LRRC10B: variants seen among roughly 807,000 people sequenced by gnomAD.
The protein encoded by LRRC10B is leucine rich repeat containing 10B, also known as leucine-rich repeat-containing protein 10B.
For synonymous variants in LRRC10B, 204 were observed against 221.5 expected, an observed-to-expected ratio of 0.92 and a Z score of 0.70; for missense variants, 389 against 436.5, an observed-to-expected ratio of 0.89 and a Z score of 0.97.
At position 61,510,111 on chromosome 11, in the gene LRRC10B, G is replaced by T; in HGVS notation, c.*234G>T. On this transcript the variant is annotated 3_prime_UTR_variant, in exon 1 of 1. Coordinates refer to ENST00000378075, the MANE Select transcript of LRRC10B (RefSeq NM_001145077.2). Reference sequence around the variant, plus strand: ...GGCAATTGTCAGACCAAGAAGTCTGGGCTGGGTCCAGTCCCCGATGGAGCC... The same window carrying T: ...GGCAATTGTCAGACCAAGAAGTCTGTGCTGGGTCCAGTCCCCGATGGAGCC... 2.1e-6 allele frequency: 1 copy of T among 471,288 alleles called. No individual in the cohort carries two copies. The highest frequency in any genetic ancestry group is 5.5e-5 in the South Asian group (1 of 18,346). 29.2% of individuals were successfully genotyped at this position (471,288 alleles called of 1,614,324 possible).
chr11:61,510,646 A>C lies in LRRC10B; in HGVS notation c.*769A>C, dbSNP rs2062081122. 6.0e-6 allele frequency: 1 copy of C among 167,284 alleles called. No individual in the cohort carries two copies. Among genetic ancestry groups the C allele is most frequent in the Non-Finnish European group, 1.5e-5 (1 of 68,374 alleles). 10.4% of individuals were successfully genotyped at this position (167,284 alleles called of 1,614,324 possible). On this transcript the variant is annotated 3_prime_UTR_variant, in exon 1 of 1. Coordinates refer to ENST00000378075, the MANE Select transcript of LRRC10B (RefSeq NM_001145077.2). ...CCTTCCAGCTGTCAAGTTTGAAAAGAAGCCACCGTGCCTCCAGGGCCTCCT... is the reference window on the plus strand; with the variant it reads ...CCTTCCAGCTGTCAAGTTTGAAAAGCAGCCACCGTGCCTCCAGGGCCTCCT...
At position 61,509,570 on chromosome 11, in the gene LRRC10B, G is replaced by T; in HGVS notation, c.572G>T (p.Arg191Leu). 6.6e-7 allele frequency: 1 copy of T among 1,519,730 alleles called. No homozygotes were observed. Among genetic ancestry groups the T allele is most frequent in the Non-Finnish European group, 8.8e-7 (1 of 1,140,508 alleles). The allele number at this position is 1,519,730 out of a possible 1,614,324, so 94.1% of individuals were successfully genotyped here. The change falls in exon 1 of 1, where the codon CGC (arginine) becomes CTC (leucine). Residue 191 changes from arginine (R) to leucine (L), a missense_variant. Coordinates refer to ENST00000378075, the MANE Select transcript of LRRC10B (RefSeq NM_001145077.2). ...CGCCTGCACATCCTCGACCTCGACC[G>T]CAACCGCCTGGGCGGCTTCCCCGAC... ...MGRLHILDLD[R>L]NRLGGFPDLH...
At position 61,508,950 on chromosome 11, in the gene LRRC10B, C is replaced by G. The variant is rs2062070621; in HGVS notation, c.-49C>G. The G allele has an allele frequency of 1.6e-6, 2 of 1,256,618 alleles. No individual in the cohort carries two copies. The highest frequency in any genetic ancestry group is 2.0e-6 in the Non-Finnish European group (2 of 1,000,530). 77.8% of individuals were successfully genotyped at this position (1,256,618 alleles called of 1,614,324 possible). On this transcript the variant is annotated 5_prime_UTR_variant, in exon 1 of 1. Transcript: ENST00000378075. ...CGGCTGGGGGGCGGCCGGGGCGGGGCGATGCCTGGCGGTGGCAGTGGCGGC... is the reference window on the plus strand; with the variant it reads ...CGGCTGGGGGGCGGCCGGGGCGGGGGGATGCCTGGCGGTGGCAGTGGCGGC...
Position 61,509,872 on chromosome 11 carries a change from A to T in LRRC10B, c.874A>T (p.Thr292Ser), listed in dbSNP as rs1455658083. The T allele has an allele frequency of 1.5e-5, 23 of 1,503,080 alleles. No individual in the cohort carries two copies. The South Asian group carries it at 2.7e-4, about 18-fold the overall frequency. The allele number at this position is 1,503,080 out of a possible 1,614,324, so 93.1% of individuals were successfully genotyped here. Residue 292 changes from threonine to serine, a missense_variant, in exon 1 of 1, where the codon ACC (threonine) becomes TCC (serine). Transcript: ENST00000378075. Reference sequence around the variant, plus strand: ...CCTGGAAGCCGCTCCAGGACTGGGCACCTGAGCCTATGTTCTGGCTGATGG... The same window carrying T: ...CCTGGAAGCCGCTCCAGGACTGGGCTCCTGAGCCTATGTTCTGGCTGATGG... The part of the protein sequence containing the change: ...RALEAAPGLG[T>S]
rs1163068425 is a variant in LRRC10B at position 61,509,007 on chromosome 11, C to T, written c.9C>T (p.Ile3=). The T allele has an allele frequency of 2.1e-6, 3 of 1,397,140 alleles. No homozygotes were observed. Among genetic ancestry groups the T allele is most frequent in the African/African-American group, 3.0e-5 (2 of 66,012 alleles). 86.5% of individuals were successfully genotyped at this position (1,397,140 alleles called of 1,614,324 possible). A position where few individuals can be genotyped will look rare whatever the true frequency, so the allele number is the denominator to read the frequency against. Residue 3 remains isoleucine, a synonymous_variant, in exon 1 of 1, where the codon ATC becomes ATT. Coordinates refer to ENST00000378075, the MANE Select transcript of LRRC10B (RefSeq NM_001145077.2). MG[I]AESTPDELPS... ...GGCCGGGGCCCGTGACCATGGGCAT[C>T]GCCGAGTCCACGCCGGATGAGCTGC...
rs543955974 is a variant in LRRC10B, at chr11:61,509,019, G to A, written c.21G>A (p.Thr7=). MGIAES[T]PDELPSDAEE... ...TGACCATGGGCATCGCCGAGTCCAC[G>A]CCGGATGAGCTGCCGTCGGACGCAG... The change falls in exon 1 of 1, where the codon ACG becomes ACA. Residue 7 remains threonine (T), a synonymous_variant. Coordinates refer to ENST00000378075, the MANE Select transcript of LRRC10B (RefSeq NM_001145077.2). 4,505 of 1,349,510 alleles carry A rather than the reference G, an allele frequency of 3.3e-3. 63 individuals are homozygous for A. Among genetic ancestry groups the A allele is most frequent in the South Asian group, 0.031 (2,251 of 71,848 alleles). The allele number at this position is 1,349,510 out of a possible 1,614,324, so 83.6% of individuals were successfully genotyped here. A position where few individuals can be genotyped will look rare whatever the true frequency, so the allele number is the denominator to read the frequency against.
At position 61,509,902 on chromosome 11, in the gene LRRC10B, C is replaced by CTGAG; in HGVS notation, c.*25_*26insTGAG. ...AGCCTATGTTCTGGCTGATGGGCTT[C>CTGAG]AGCCACTCTGAGAGGAGGGGCTCTA... On this transcript the variant is annotated 3_prime_UTR_variant, in exon 1 of 1. Coordinates refer to ENST00000378075, the MANE Select transcript of LRRC10B (RefSeq NM_001145077.2). 6.8e-7 allele frequency: 1 copy of CTGAG among 1,467,956 alleles called. No individual in the cohort carries two copies. 90.9% of individuals were successfully genotyped at this position (1,467,956 alleles called of 1,614,324 possible).
rs1252231423 is a variant in LRRC10B, at chr11:61,509,597, T to A, written c.599T>A (p.Leu200Gln). 1 of 1,522,164 alleles carries A rather than the reference T, an allele frequency of 6.6e-7. No individual in the cohort carries two copies. Among genetic ancestry groups the A allele is most frequent in the South Asian group, 1.2e-5 (1 of 82,436 alleles). 94.3% of individuals were successfully genotyped at this position (1,522,164 alleles called of 1,614,324 possible). The change falls in exon 1 of 1, where the codon CTG (leucine) becomes CAG (glutamine). Residue 200 changes from leucine (L) to glutamine (Q), a missense_variant. Coordinates refer to ENST00000378075, the MANE Select transcript of LRRC10B (RefSeq NM_001145077.2). ...DRNRLGGFPDLHPLRALRVFS... is the reference protein window; with the variant it reads ...DRNRLGGFPDQHPLRALRVFS... ...AACCGCCTGGGCGGCTTCCCCGACC[T>A]GCACCCGCTGCGCGCGCTGCGCGTC...
Position 61,509,291 on chromosome 11 carries a change from G to A in LRRC10B, c.293G>A (p.Gly98Asp). 1 of 1,506,068 alleles carries A rather than the reference G, an allele frequency of 6.6e-7. No individual in the cohort carries two copies. 93.3% of individuals were successfully genotyped at this position (1,506,068 alleles called of 1,614,324 possible). A position where few individuals can be genotyped will look rare whatever the true frequency, so the allele number is the denominator to read the frequency against. The change falls in exon 1 of 1, where the codon GGC becomes GAC. Residue 98 changes from glycine (G) to aspartate (D), a missense_variant. Gly to Asp is a moderately conservative substitution (Grantham distance 94, BLOSUM62 -1). Coordinates refer to ENST00000378075, the MANE Select transcript of LRRC10B (RefSeq NM_001145077.2). ...CCGCGCCTCACGCGCCTCTATCTGG[G>A]CGGCAACCGGCTGCTGGCGCTGCCC... ...RLPRLTRLYL[G>D]GNRLLALPAD...
Position 61,508,985 on chromosome 11 carries a change from CG to C in LRRC10B, c.-10del. The C allele has an allele frequency of 7.6e-7, 1 of 1,324,460 alleles. No individual in the cohort carries two copies. Among genetic ancestry groups the C allele is most frequent in the Non-Finnish European group, 9.6e-7 (1 of 1,041,586 alleles). The allele number at this position is 1,324,460 out of a possible 1,614,324, so 82.0% of individuals were successfully genotyped here. A position where few individuals can be genotyped will look rare whatever the true frequency, so the allele number is the denominator to read the frequency against. On this transcript the variant is annotated 5_prime_UTR_variant, in exon 1 of 1. The change abolishes the stop of an existing upstream ORF in the 5' untranslated region. Coordinates refer to ENST00000378075, the MANE Select transcript of LRRC10B (RefSeq NM_001145077.2). Reference sequence around the variant, plus strand: ...CGGTGGCAGTGGCGGCGGCCCCGGCCGGGGCCCGTGACCATGGGCATCGCCG... The same window carrying C: ...CGGTGGCAGTGGCGGCGGCCCCGGCCGGGCCCGTGACCATGGGCATCGCCG...
Position 61,509,047 on chromosome 11 carries a change from G to A in LRRC10B, c.49G>A (p.Glu17Lys), listed in dbSNP as rs2062071386. The change falls in exon 1 of 1, where the codon GAG becomes AAG. Residue 17 changes from glutamate (E) to lysine (K), a missense_variant. Transcript: ENST00000378075. ...TPDELPSDAE[E>K]QLRSGDQQLE... ...GGATGAGCTGCCGTCGGACGCAGAG[G>A]AGCAGCTGCGCAGCGGCGACCAGCA... The A allele has an allele frequency of 1.3e-6, 2 of 1,492,870 alleles. No homozygotes were observed. The highest frequency in any genetic ancestry group is 1.5e-5 in the African/African-American group (1 of 68,670). The allele number at this position is 1,492,870 out of a possible 1,614,324, so 92.5% of individuals were successfully genotyped here.
In LRRC10B at chr11:61,509,604, G is replaced by T. The variant is rs1179949773; in HGVS notation, c.606G>T (p.Pro202=). ...NRLGGFPDLH[P]LRALRVFSYD... is the part of the protein sequence containing the mutation. ...TGGGCGGCTTCCCCGACCTGCACCC[G>T]CTGCGCGCGCTGCGCGTCTTCTCCT... Residue 202 remains proline, a synonymous_variant, in exon 1 of 1, where the codon CCG becomes CCT. Transcript: ENST00000378075. 1 of 1,522,062 alleles carries T rather than the reference G, an allele frequency of 6.6e-7. No individual in the cohort carries two copies. The highest frequency in any genetic ancestry group is 2.0e-5 in the Admixed American group (1 of 48,974). The allele number at this position is 1,522,062 out of a possible 1,614,324, so 94.3% of individuals were successfully genotyped here.
chr11:61,509,883 T>C lies in LRRC10B; in HGVS notation c.*6T>C. 5.4e-6 allele frequency: 8 copies of C among 1,487,784 alleles called. No homozygotes were observed. The highest frequency in any genetic ancestry group is 5.3e-6 in the Non-Finnish European group (6 of 1,124,190). 92.2% of individuals were successfully genotyped at this position (1,487,784 alleles called of 1,614,324 possible). On this transcript the variant is annotated 3_prime_UTR_variant, in exon 1 of 1. Transcript: ENST00000378075. ...CTCCAGGACTGGGCACCTGAGCCTA[T>C]GTTCTGGCTGATGGGCTTCAGCCAC...
Position 61,509,877 on chromosome 11 carries a change from A to G in LRRC10B, c.879A>G (p.Ter293TrpextTer12). 1 of 1,500,296 alleles carries G rather than the reference A, an allele frequency of 6.7e-7. No homozygotes were observed. Among genetic ancestry groups the G allele is most frequent in the Non-Finnish European group, 8.8e-7 (1 of 1,129,970 alleles). 92.9% of individuals were successfully genotyped at this position (1,500,296 alleles called of 1,614,324 possible). ...AAGCCGCTCCAGGACTGGGCACCTG[A>G]GCCTATGTTCTGGCTGATGGGCTTC... is the stretch of plus-strand genomic sequence containing the variant. ...ALEAAPGLGT[*>W] The change falls in exon 1 of 1, where the codon TGA (stop) becomes TGG (tryptophan). Residue 293 changes from the stop codon to tryptophan (W), a stop_lost. Transcript: ENST00000378075.
chr11:61,509,516 A>T lies in LRRC10B; in HGVS notation c.518A>T (p.Glu173Val), dbSNP rs2062074374. 3.3e-6 allele frequency: 5 copies of T among 1,510,864 alleles called. No homozygotes were observed. The allele number at this position is 1,510,864 out of a possible 1,614,324, so 93.6% of individuals were successfully genotyped here. Residue 173 changes from glutamate to valine, a missense_variant, in exon 1 of 1, where the codon GAG (glutamate) becomes GTG (valine). Physicochemically the swap from Glu to Val is moderately radical, Grantham distance 121 (BLOSUM62 -2). Transcript: ENST00000378075. The stretch of plus-strand genomic sequence containing the variant: ...TGGCTCTACGGCAACCGCTTCGAGG[A>T]GTTCCCGCCCGCGCTGCTGCGCATG... Reference protein sequence around the residue: ...GLWLYGNRFEEFPPALLRMGR... With the variant: ...GLWLYGNRFEVFPPALLRMGR...
chr11:61,509,689 G>C lies in LRRC10B; in HGVS notation c.691G>C (p.Glu231Gln). 2 of 1,517,030 alleles carry C rather than the reference G, an allele frequency of 1.3e-6. No homozygotes were observed. The highest frequency in any genetic ancestry group is 1.8e-6 in the Non-Finnish European group (2 of 1,138,918). 94.0% of individuals were successfully genotyped at this position (1,517,030 alleles called of 1,614,324 possible). Reference sequence around the variant, plus strand: ...CGCGGACACCGTGTTCCTCGTGGGCGAGGGCGCCGTCGAGCGCATGGCGGA... The same window carrying C: ...CGCGGACACCGTGTTCCTCGTGGGCCAGGGCGCCGTCGAGCGCATGGCGGA... Reference protein sequence around the residue: ...RVADTVFLVGEGAVERMAERD... With the variant: ...RVADTVFLVGQGAVERMAERD... The change falls in exon 1 of 1, where the codon GAG becomes CAG. Residue 231 changes from glutamate (E) to glutamine (Q), a missense_variant. Physicochemically the swap from Glu to Gln is conservative, Grantham distance 29. Coordinates refer to ENST00000378075, the MANE Select transcript of LRRC10B (RefSeq NM_001145077.2).
Position 61,510,169 on chromosome 11 carries a change from A to C in LRRC10B, c.*292A>C. The stretch of plus-strand genomic sequence containing the variant: ...ACAGAGGCACCAGCTTCCTCCTGGA[A>C]CCAGGGTCTCTGAGGGCCACAGAAT... On this transcript the variant is annotated 3_prime_UTR_variant, in exon 1 of 1. Transcript: ENST00000378075. 1 of 374,988 alleles carries C rather than the reference A, an allele frequency of 2.7e-6. No individual in the cohort carries two copies. Among genetic ancestry groups the C allele is most frequent in the South Asian group, 1.0e-4 (1 of 9,798 alleles). 23.2% of individuals were successfully genotyped at this position (374,988 alleles called of 1,614,324 possible). A position where few individuals can be genotyped will look rare whatever the true frequency, so the allele number is the denominator to read the frequency against.
At position 61,509,919 on chromosome 11, in the gene LRRC10B, G is replaced by C; in HGVS notation, c.*42G>C. The C allele has an allele frequency of 6.9e-7, 1 of 1,447,808 alleles. No individual in the cohort carries two copies. Among genetic ancestry groups the C allele is most frequent in the Non-Finnish European group, 9.1e-7 (1 of 1,103,434 alleles). The allele number at this position is 1,447,808 out of a possible 1,614,324, so 89.7% of individuals were successfully genotyped here. On this transcript the variant is annotated 3_prime_UTR_variant, in exon 1 of 1. Coordinates refer to ENST00000378075, the MANE Select transcript of LRRC10B (RefSeq NM_001145077.2). ...ATGGGCTTCAGCCACTCTGAGAGGA[G>C]GGGCTCTAGGAAGCTTTGGCTGGTT...
Position 61,509,614 on chromosome 11 carries a change from C to T in LRRC10B, c.616C>T (p.Leu206=). 2 of 1,523,284 alleles carry T rather than the reference C, an allele frequency of 1.3e-6. No homozygotes were observed. Among genetic ancestry groups the T allele is most frequent in the Non-Finnish European group, 1.8e-6 (2 of 1,141,146 alleles). The allele number at this position is 1,523,284 out of a possible 1,614,324, so 94.4% of individuals were successfully genotyped here. ...CCCCGACCTGCACCCGCTGCGCGCG[C>T]TGCGCGTCTTCTCCTACGACCACAA... ...GFPDLHPLRA[L]RVFSYDHNPV... is the part of the protein sequence containing the mutation. The change falls in exon 1 of 1, where the codon CTG becomes TTG. Residue 206 remains leucine, a synonymous_variant. Coordinates refer to ENST00000378075, the MANE Select transcript of LRRC10B (RefSeq NM_001145077.2).
Sources: allele counts gnomAD v4.1 joint callset, GRCh38; gene constraint gnomAD v4.1.1; transcripts MANE v1.5; gene names NCBI Gene and HGNC (gene_info 2026-07-23, HGNC 2026-07-21).